Variants in HPSE2 observed in about 807,000 individuals in gnomAD.
The protein encoded by HPSE2 is heparanase 2 (inactive).
HPSE2 carries 38 observed loss-of-function variants against 60.5 expected under a neutral mutation model. That is an observed-to-expected ratio of 0.63 (90% confidence interval 0.48 to 0.82). The LOEUF (loss-of-function observed/expected upper bound fraction) is 0.82. Ranked by LOEUF, HPSE2 falls within the 40% of genes least tolerant of loss-of-function variation. The probability of loss-of-function intolerance (pLI) is 0.00; values close to 1 mark genes in which losing one functional copy is unlikely to be tolerated. For synonymous variants in HPSE2, 295 were observed against 293.2 expected, an observed-to-expected ratio of 1.01 and a Z score of -0.06; for missense variants, 713 against 740.4, an observed-to-expected ratio of 0.96 and a Z score of 0.43.
chr10:99,246,334 C>T, the HPSE2 span, among the ~76,000 whole-genome samples: 2 of 152,198 alleles, frequency 1.3e-5, no homozygotes, highest in East Asian at 3.8e-4. Context: ...AATATCCTTG[C>T]CCTTGGAAAC....
At chr10:98,530,101 T>C (rs2133797883) in intron 9 of HPSE2, among the ~76,000 whole-genome samples, 1 of 152,300 alleles carries the variant, frequency 6.6e-6, no homozygotes, top group Non-Finnish European at 1.5e-5. Context: ...AGCAAATTGG[T>C]GCCCACTGGC....
At chr10:98,604,188 TG>T (rs1345781647) in intron 9 of HPSE2, among the ~76,000 whole-genome samples, 1 of 152,048 alleles carries the variant, frequency 6.6e-6, no homozygotes. Context: ...TGAAATTATC[TG>T]AACAGGAATT....
rs113293706 is a variant in HPSE2, at chr10:98,667,834, G to A, written c.1005-25894C>T. On this transcript the variant is annotated intron_variant, in intron 6 of 11. Transcript: ENST00000370552. ...CCACGGCCAACATCATATTGAATGC[G>A]GAAAAGCTACAACCATTCCCCTTGA... is the stretch of plus-strand genomic sequence containing the variant. Among the ~76,000 whole-genome samples the A allele has an allele frequency of 4.2e-3, 639 of 152,202 alleles. 5 individuals carry two copies. Among genetic ancestry groups the A allele is most frequent in the Non-Finnish European group, 7.2e-3 (490 of 67,998 alleles).
chr10:98,985,355 G>T (rs1379725356), intron 3 of HPSE2, among the ~76,000 whole-genome samples: 3 of 152,256 alleles, frequency 2.0e-5, no homozygotes, highest in African/African-American at 7.2e-5. Context: ...TTAAAGAAAA[G>T]AATTTTTAAC....
intron 3 of HPSE2, among the ~76,000 whole-genome samples, chr10:98,968,665 A>G (rs968281483): frequency 1.3e-5 from 2 of 152,248 alleles, no homozygotes; most frequent in Admixed American, 6.5e-5. Flanking sequence ...CTATTCAGTC[A>G]TAAAACAGAA....
In HPSE2 at chr10:99,012,724, T is replaced by C. The variant is rs149850959; in HGVS notation, c.610+131514A>G. 2.7e-3 allele frequency among the ~76,000 whole-genome samples: 406 copies of C among 152,318 alleles called. 1 individual carries two copies. The highest frequency in any genetic ancestry group is 9.2e-3 in the African/African-American group (383 of 41,572). ...GAAACTGAATATCTGTGCTGATTTG[T>C]ATTTTGACTTAACGGACCAAGAAGA... is the stretch of plus-strand genomic sequence containing the variant. On this transcript the variant is annotated intron_variant, in intron 3 of 11. Coordinates refer to ENST00000370552, the MANE Select transcript of HPSE2 (RefSeq NM_021828.5).
At chr10:99,195,866 T>G (rs184590305) in intron 2 of HPSE2, among the ~76,000 whole-genome samples, 2 of 151,578 alleles carry the variant, frequency 1.3e-5, no homozygotes, top group Non-Finnish European at 1.5e-5. Context: ...ATCCTAAAAT[T>G]TATATGGAAC....
At chr10:98,749,884 G>C (rs1281413731) in intron 3 of HPSE2, among the ~76,000 whole-genome samples, 1 of 143,016 alleles carries the variant, frequency 7.0e-6, no homozygotes, top group African/African-American at 2.6e-5. Flanking sequence ...AAGTTGAGGA[G>C]CATCTGCATG....
intron 3 of HPSE2, among the ~76,000 whole-genome samples, chr10:98,897,116 T>C (rs1953513529): frequency 6.6e-6 from 1 of 152,120 alleles, no homozygotes; most frequent in Non-Finnish European, 1.5e-5. Flanking sequence ...TTCTCACTTA[T>C]AAGTGGGAGC....
chr10:99,206,982 G>T (rs2133898562), intron 2 of HPSE2, among the ~76,000 whole-genome samples: 1 of 152,146 alleles, frequency 6.6e-6, no homozygotes, highest in African/African-American at 2.4e-5. Context: ...AGGAAAGAAA[G>T]CTTATTTTAA....
intron 2 of HPSE2, among the ~76,000 whole-genome samples, chr10:99,207,944 A>G (rs1848817259): frequency 6.6e-6 from 1 of 151,102 alleles, no homozygotes; most frequent in South Asian, 2.1e-4. Context: ...TTTATAAATT[A>G]GGCACAGTAA....
At chr10:98,580,834 A>ATG (rs1188206673) in intron 9 of HPSE2, among the ~76,000 whole-genome samples, 178 of 110,146 alleles carry the variant, frequency 1.6e-3, no homozygotes, top group African/African-American at 8.7e-3. Context: ...TTATATATAT[A>ATG]TATGTGTGTG....
chr10:98,868,899 T>C (rs1161735768), intron 3 of HPSE2, among the ~76,000 whole-genome samples: 1 of 152,194 alleles, frequency 6.6e-6, no homozygotes, highest in Non-Finnish European at 1.5e-5. Flanking sequence ...TTTTTCTAGT[T>C]AAAATCTTTT....
intron 3 of HPSE2, among the ~76,000 whole-genome samples, chr10:99,120,316 C>T (rs1844897476): frequency 6.6e-6 from 1 of 151,888 alleles, no homozygotes; most frequent in African/African-American, 2.4e-5. Context: ...TATATGTGGC[C>T]AATAATCCTA....
rs1179483986 is a variant in HPSE2, at chr10:98,988,100, C to T, written c.610+156138G>A. ...TAATTTATAGATTCAATGCCATCCC[C>T]ATCAAGCTACCAATGACTTTCTTCA... On this transcript the variant is annotated intron_variant, in intron 3 of 11. Transcript: ENST00000370552. 2.0e-5 allele frequency among the ~76,000 whole-genome samples: 3 copies of T among 152,330 alleles called. No individual in the cohort carries two copies. In the East Asian group the frequency reaches 5.8e-4, roughly 29 times the overall value.
At chr10:98,717,254 A>G (rs1437304571) in intron 5 of HPSE2, among the ~76,000 whole-genome samples, 2 of 152,030 alleles carry the variant, frequency 1.3e-5, no homozygotes, top group Non-Finnish European at 2.9e-5. Flanking sequence ...GGCTGGTTTG[A>G]TCTTCTATCT....
intron 3 of HPSE2, among the ~76,000 whole-genome samples, chr10:98,892,216 A>G (rs569222581): frequency 6.6e-6 from 1 of 152,070 alleles, no homozygotes; most frequent in South Asian, 2.1e-4. Context: ...TGAAAGGGGG[A>G]AAAAAGAAAA....
At chr10:98,672,487 G>A (rs1030959654) in intron 6 of HPSE2, among the ~76,000 whole-genome samples, 8 of 152,162 alleles carry the variant, frequency 5.3e-5, no homozygotes, top group Non-Finnish European at 1.2e-4. Flanking sequence ...GAGTTTCAAA[G>A]ATGATGATGG....
At chr10:98,463,626 A>AC (rs1940401488) in intron 11 of HPSE2, among the ~76,000 whole-genome samples, 1 of 150,982 alleles carries the variant, frequency 6.6e-6, no homozygotes, top group African/African-American at 2.4e-5. Context: ...ACATAGTGAG[A>AC]CCCCCATCTC....
Sources: allele counts gnomAD v4.1 joint callset (sites outside exome capture counted in the v4.1 genomes callset), GRCh38; gene constraint gnomAD v4.1.1; transcripts MANE v1.5; gene names NCBI Gene and HGNC (gene_info 2026-07-23, HGNC 2026-07-21).